CSMD1: variants seen among roughly 807,000 people sequenced by gnomAD.
CSMD1 encodes CUB and Sushi multiple domains 1.
A neutral mutation model predicts 417.5 loss-of-function variants in CSMD1; 213 were observed. The observed-to-expected ratio is 0.51, with a 90% CI of 0.46 to 0.57. The LOEUF (loss-of-function observed/expected upper bound fraction) is 0.57. CSMD1 is among the 20% of genes least tolerant of loss of function. The pLI is 0.00. For synonymous variants in CSMD1, 2,862 were observed against 1,736.8 expected, an observed-to-expected ratio of 1.65 and a Z score of -16.11; for missense variants, 6,923 against 4,529.7, an observed-to-expected ratio of 1.53 and a Z score of -15.17.
intron 3 of CSMD1, among the ~76,000 whole-genome samples, chr8:4,244,462 A>G (rs889514935): frequency 2.6e-5 from 4 of 152,216 alleles, no homozygotes; most frequent in Non-Finnish European, 1.5e-5. Context: ...TAAAAAGCCA[A>G]AGTTATAAAT....
At chr8:3,804,992 G>T (rs1309929140) in intron 5 of CSMD1, among the ~76,000 whole-genome samples, 2 of 152,132 alleles carry the variant, frequency 1.3e-5, no homozygotes, top group African/African-American at 4.8e-5. Context: ...CACTTTCACA[G>T]TTCACTTCTT....
At chr8:3,343,895 C>A (rs1017657364) in intron 22 of CSMD1, among the ~76,000 whole-genome samples, 4 of 152,160 alleles carry the variant, frequency 2.6e-5, no homozygotes, top group African/African-American at 7.2e-5. Flanking sequence ...TCCCTTCTGT[C>A]TGAATGCACT....
At chr8:4,918,166 G>A (rs556342806) in intron 1 of CSMD1, among the ~76,000 whole-genome samples, 1 of 152,174 alleles carries the variant, frequency 6.6e-6, no homozygotes, top group Non-Finnish European at 1.5e-5. Context: ...TCCCGTGTTG[G>A]TGTTGGTGAC....
intron 5 of CSMD1, among the ~76,000 whole-genome samples, chr8:3,965,590 T>C (rs545751443): frequency 7.9e-5 from 12 of 152,140 alleles, no homozygotes; most frequent in Admixed American, 1.3e-4. Context: ...TGTTAATGGT[T>C]ATGATTTTTT....
chr8:3,957,172 C>T (rs1260731240), intron 5 of CSMD1, among the ~76,000 whole-genome samples: 1 of 152,122 alleles, frequency 6.6e-6, no homozygotes, highest in Non-Finnish European at 1.5e-5. Context: ...TCTGCTAGAT[C>T]CCTGATGTAA....
At chr8:3,825,735 C>G (rs895592752) in intron 5 of CSMD1, among the ~76,000 whole-genome samples, 4 of 152,060 alleles carry the variant, frequency 2.6e-5, no homozygotes, top group African/African-American at 9.7e-5. Context: ...ACTGAAGCAA[C>G]AAGGAGGCGA....
intron 23 of CSMD1, among the ~76,000 whole-genome samples, chr8:3,336,932 C>T (rs991304073): frequency 6.6e-6 from 1 of 152,040 alleles, no homozygotes; most frequent in Non-Finnish European, 1.5e-5. Flanking sequence ...ATAATGCTCC[C>T]CTAAAAAAAG....
At chr8:3,500,025 A>C (rs1442623940) in intron 10 of CSMD1, among the ~76,000 whole-genome samples, 1 of 152,080 alleles carries the variant, frequency 6.6e-6, no homozygotes, top group East Asian at 2.0e-4. Flanking sequence ...AGCCCTGAAT[A>C]CAGGCATCTG....
At chr8:4,526,490 G>A (rs1263319780) in intron 2 of CSMD1, among the ~76,000 whole-genome samples, 1 of 152,128 alleles carries the variant, frequency 6.6e-6, no homozygotes, top group African/African-American at 2.4e-5. Flanking sequence ...TATTGTGCAA[G>A]CAAGAATACA....
At chr8:3,197,517 G>C (rs1236700329) in intron 33 of CSMD1, among the ~76,000 whole-genome samples, 1 of 147,890 alleles carries the variant, frequency 6.8e-6, no homozygotes, top group African/African-American at 2.5e-5. Context: ...CCAGGCTGGA[G>C]TGCAGTGGCG....
intron 1 of CSMD1, among the ~76,000 whole-genome samples, chr8:4,839,365 A>T (rs1478026426): frequency 6.6e-6 from 1 of 152,222 alleles, no homozygotes; most frequent in Non-Finnish European, 1.5e-5. Context: ...AATATATTTC[A>T]TAATTATGTC....
chr8:4,749,060 G>C (rs1425482750), intron 1 of CSMD1, among the ~76,000 whole-genome samples: 1 of 151,842 alleles, frequency 6.6e-6, no homozygotes, highest in Non-Finnish European at 1.5e-5. Context: ...GTGTGCGTGT[G>C]TGTGTGTGTG....
chr8:3,087,876 T>C (rs1814656557), intron 48 of CSMD1, among the ~76,000 whole-genome samples: 1 of 152,230 alleles, frequency 6.6e-6, no homozygotes, highest in Non-Finnish European at 1.5e-5. Flanking sequence ...AGACATCATA[T>C]TTGAAACAAA....
At chr8:3,253,289 C>A (rs1239773424) in intron 26 of CSMD1, among the ~76,000 whole-genome samples, 2 of 152,138 alleles carry the variant, frequency 1.3e-5, no homozygotes, top group African/African-American at 4.8e-5. Context: ...GTTATTTACC[C>A]AGTAGTCACT....
At chr8:3,715,143 T>C (rs1158784647) in intron 6 of CSMD1, among the ~76,000 whole-genome samples, 3 of 152,206 alleles carry the variant, frequency 2.0e-5, no homozygotes, top group Admixed American at 6.5e-5. Context: ...GATCACCTTA[T>C]ATTTTAAACA....
intron 3 of CSMD1, among the ~76,000 whole-genome samples, chr8:4,391,929 T>A (rs1329655930): frequency 6.6e-6 from 1 of 152,298 alleles, no homozygotes; most frequent in East Asian, 1.9e-4. Context: ...GAGGCTCCCA[T>A]GAAGAATACT....
intron 3 of CSMD1, among the ~76,000 whole-genome samples, chr8:4,283,959 G>T (rs11987807): frequency 2.0e-5 from 3 of 152,148 alleles, no homozygotes; most frequent in Non-Finnish European, 2.9e-5. Context: ...TTGGCCAGGG[G>T]TGGTGGCTCA....
chr8:3,910,440 C>T (rs754104980), intron 5 of CSMD1, among the ~76,000 whole-genome samples: 8 of 152,098 alleles, frequency 5.3e-5, no homozygotes, highest in Non-Finnish European at 1.0e-4. Context: ...CATAAAATCA[C>T]GAAATTTAAG....
chr8:4,580,837 G>T (rs979032766), intron 2 of CSMD1, among the ~76,000 whole-genome samples: 1 of 152,046 alleles, frequency 6.6e-6, no homozygotes, highest in Admixed American at 6.6e-5. Flanking sequence ...CATACTGCCC[G>T]CTTCATACTG....
Sources: gnomAD v4.1 joint callset for allele counts (sites outside exome capture counted in the v4.1 genomes callset) on GRCh38, gnomAD v4.1.1 for gene constraint, MANE v1.5 for transcripts, NCBI Gene and HGNC (gene_info 2026-07-23, HGNC 2026-07-21) for gene names.